The following HSD17B13 variants were observed in gnomAD, a reference collection of about 807,000 sequenced individuals.
HSD17B13 encodes the protein 17-beta-hydroxysteroid dehydrogenase 13.
HSD17B13 carries 26 observed loss-of-function variants against 31.1 expected under a neutral mutation model. The ratio of observed to expected loss-of-function variants is 0.84; its 90% CI spans 0.61 to 1.16. HSD17B13 has a LOEUF of 1.16. Ranked by LOEUF, HSD17B13 falls within the 50% of genes most tolerant of loss-of-function variation. The probability of loss-of-function intolerance (pLI) is 0.00; values close to 1 mark genes in which losing one functional copy is unlikely to be tolerated. For missense variants in HSD17B13, 374 were observed against 366.5 expected (o/e 1.02, Z -0.17); for synonymous variants, 141 against 133.7 (o/e 1.05, Z -0.38).
In HSD17B13 at chr4:87,304,579, T is replaced by C. The variant is rs1414892369; in HGVS notation, c.*639A>G. ...CGGTCACCTTTCATAATGTATCTTA[T>C]AAGACTATAAAAAGGGAGGAAATAT... On this transcript the variant is annotated 3_prime_UTR_variant, in exon 7 of 7. Coordinates refer to ENST00000328546, the MANE Select transcript of HSD17B13 (RefSeq NM_178135.5). The C allele has an allele frequency of 6.6e-6, 1 of 152,200 alleles. No homozygotes were observed. The highest frequency in any genetic ancestry group is 2.4e-5 in the African/African-American group (1 of 41,436). 9.4% of individuals were successfully genotyped at this position (152,200 alleles called of 1,614,324 possible). A position where few individuals can be genotyped will look rare whatever the true frequency, so the allele number is the denominator to read the frequency against.
intron 1 of HSD17B13, among the ~76,000 whole-genome samples, chr4:87,321,188 C>T (rs929683645): frequency 2.0e-5 from 3 of 152,052 alleles, no homozygotes; most frequent in African/African-American, 7.2e-5. Flanking sequence ...CACCCCCGCA[C>T]CCAGCTAATT....
At position 87,311,296 on chromosome 4, in the gene HSD17B13, T is replaced by C. The variant is rs75497542; in HGVS notation, c.696-937A>G. 4.1e-3 allele frequency among the ~76,000 whole-genome samples: 628 copies of C among 152,296 alleles called. 2 individuals are homozygous for C. The highest frequency in any genetic ancestry group is 0.014 in the African/African-American group (588 of 41,556). On this transcript the variant is annotated intron_variant, in intron 5 of 6. Coordinates refer to ENST00000328546, the MANE Select transcript of HSD17B13 (RefSeq NM_178135.5). ...GGTGGAGCAGCTCAAGCCATTCTTC[T>C]CCATGGAGTAGCTGTTCTCTACTCC...
chr4:87,315,889 GA>G (rs1200369080), intron 3 of HSD17B13, among the ~76,000 whole-genome samples: 2 of 152,042 alleles, frequency 1.3e-5, no homozygotes, highest in Non-Finnish European at 2.9e-5. Flanking sequence ...AATATTAAGG[GA>G]AAAATTCAGA....
intron 1 of HSD17B13, among the ~76,000 whole-genome samples, chr4:87,321,906 A>G (rs1189825024): frequency 2.0e-5 from 3 of 152,224 alleles, no homozygotes; most frequent in Non-Finnish European, 4.4e-5. Flanking sequence ...TTCTCTGCAT[A>G]TATTTTCATG....
chr4:87,305,735 T>G (rs939628253), intron 6 of HSD17B13, among the ~76,000 whole-genome samples: 1 of 136,160 alleles, frequency 7.3e-6, no homozygotes, highest in Admixed American at 7.2e-5. Context: ...AAATAAATTA[T>G]TGCCTAAACA....
At chr4:87,306,536 A>G (rs1394692534) in intron 6 of HSD17B13, among the ~76,000 whole-genome samples, 1 of 152,156 alleles carries the variant, frequency 6.6e-6, no homozygotes, top group Non-Finnish European at 1.5e-5. Flanking sequence ...GAGGATTCAC[A>G]TGGGCTGGGA....
intron 1 of HSD17B13, among the ~76,000 whole-genome samples, chr4:87,320,532 G>A (rs1195081571): frequency 6.6e-6 from 1 of 151,090 alleles, no homozygotes; most frequent in African/African-American, 2.4e-5. Flanking sequence ...GACTACAGGC[G>A]CCCGCCACTA....
chr4:87,316,856 G>C (rs1234895426), intron 3 of HSD17B13, among the ~76,000 whole-genome samples: 1 of 152,170 alleles, frequency 6.6e-6, no homozygotes, highest in Non-Finnish European at 1.5e-5. Context: ...CTTTGTGTCA[G>C]ATACTGGTGG....
chr4:87,320,653 C>T (rs1734765897), intron 1 of HSD17B13, among the ~76,000 whole-genome samples: 1 of 152,198 alleles, frequency 6.6e-6, no homozygotes, highest in Non-Finnish European at 1.5e-5. Flanking sequence ...TCCCAAAGTG[C>T]TGGGATTACA....
chr4:87,305,165 C>T lies in HSD17B13; in HGVS notation c.*53G>A. On this transcript the variant is annotated 3_prime_UTR_variant, in exon 7 of 7. Coordinates refer to ENST00000328546, the MANE Select transcript of HSD17B13 (RefSeq NM_178135.5). ...GAAATAAAGCTTTGCAGCATTGATT[C>T]GAAACTATTCATATCATTATCATGC... 7.0e-6 allele frequency: 8 copies of T among 1,150,534 alleles called. No homozygotes were observed. The highest frequency in any genetic ancestry group is 2.0e-4 in the Middle Eastern group (1 of 4,920). The allele number at this position is 1,150,534 out of a possible 1,614,324, so 71.3% of individuals were successfully genotyped here.
At chr4:87,307,378 A>C (rs1717173869) in intron 6 of HSD17B13, among the ~76,000 whole-genome samples, 1 of 152,146 alleles carries the variant, frequency 6.6e-6, no homozygotes, top group South Asian at 2.1e-4. Flanking sequence ...GGTCATATGC[A>C]TGTATATGCA....
chr4:87,318,219 C>A, intron 2 of HSD17B13, 110 bp downstream of exon 2: 2 of 772,894 alleles, frequency 2.6e-6, no homozygotes, highest in Non-Finnish European at 2.2e-6. Context: ...CTTCAGTTAG[C>A]AGCTAAAATC....
At chr4:87,316,424 CT>C (rs1023338763) in intron 3 of HSD17B13, among the ~76,000 whole-genome samples, 1 of 152,008 alleles carries the variant, frequency 6.6e-6, no homozygotes, top group East Asian at 1.9e-4. Flanking sequence ...GGACACATCT[CT>C]TTTTTTTCTT....
chr4:87,305,334 A>G lies in HSD17B13; in HGVS notation c.813-26T>C, dbSNP rs1167473470. 9 of 1,470,168 alleles carry G rather than the reference A, an allele frequency of 6.1e-6. No homozygotes were observed. In the Admixed American group the frequency reaches 1.8e-4, roughly 30 times the overall value. The allele number at this position is 1,470,168 out of a possible 1,614,324, so 91.1% of individuals were successfully genotyped here. ...CTGTACAAAAAAGAAAAAAAAATTG[A>G]AAAATTTTCCATTTAAAATCTTTGA... On this transcript the variant is annotated intron_variant, in intron 6 of 6. Transcript: ENST00000328546.
rs1385642687 is a variant in HSD17B13, at chr4:87,322,662, C to T, written c.180G>A (p.Gln60=). The part of the protein sequence containing the change: ...RQTTYEFAKR[Q]SILVLWDINK... ...TAATATCCCACAGAACCAATATGCTCTGTCGTTTTGCAAATTCATAAGTAG... is the reference window on the plus strand; with the variant it reads ...TAATATCCCACAGAACCAATATGCTTTGTCGTTTTGCAAATTCATAAGTAG... The change falls in exon 1 of 7, where the codon CAG becomes CAA. Residue 60 remains glutamine (Q), a synonymous_variant. Transcript: ENST00000328546. 9 of 1,613,880 alleles carry T rather than the reference C, an allele frequency of 5.6e-6. No homozygotes were observed. In the Admixed American group the frequency reaches 1.2e-4, roughly 21 times the overall value.
chr4:87,322,330 C>T (rs1242216028), intron 1 of HSD17B13, among the ~76,000 whole-genome samples: 1 of 152,200 alleles, frequency 6.6e-6, no homozygotes, highest in Non-Finnish European at 1.5e-5. Context: ...ATTATCCCCA[C>T]TTCAGAGCCA....
chr4:87,306,904 C>G (rs1399689523), intron 6 of HSD17B13, among the ~76,000 whole-genome samples: 1 of 25,532 alleles, frequency 3.9e-5, no homozygotes, highest in African/African-American at 2.9e-4. Flanking sequence ...GAGACCCAAT[C>G]TAAAAAAAAA....
At chr4:87,315,416 C>A in intron 4 of HSD17B13, 77 bp downstream of exon 4, 1 of 755,510 alleles carries the variant, frequency 1.3e-6, no homozygotes, top group Non-Finnish European at 2.1e-6. Context: ...CCAGGACTCT[C>A]CAGTGGTAAC....
Position 87,318,432 on chromosome 4 carries a change from C to T in HSD17B13, c.215G>A (p.Gly72Asp), listed in dbSNP as rs1372843969. 6 of 1,613,670 alleles carry T rather than the reference C, an allele frequency of 3.7e-6. No individual in the cohort carries two copies. The highest frequency in any genetic ancestry group is 1.3e-5 in the African/African-American group (1 of 75,010). The change falls in exon 2 of 7, where the codon GGT (glycine) becomes GAT (aspartate). Residue 72 changes from glycine to aspartate, a missense_variant. Physicochemically the swap from Gly to Asp is moderately conservative, Grantham distance 94. Coordinates refer to ENST00000328546, the MANE Select transcript of HSD17B13 (RefSeq NM_178135.5). ...ILVLWDINKR[G>D]VEETAAECRK... ...GCACTCAGCTGCAGTTTCCTCCACA[C>T]CGCGCTGTAATTAGGAAGAAACAAA...
Sources: gnomAD v4.1 joint callset for allele counts (sites outside exome capture counted in the v4.1 genomes callset) on GRCh38, gnomAD v4.1.1 for gene constraint, MANE v1.5 for transcripts, NCBI Gene and HGNC (gene_info 2026-07-23, HGNC 2026-07-21) for gene names.